The following EPB41L4B variants were observed in gnomAD, a reference collection of about 807,000 sequenced individuals.
EPB41L4B encodes erythrocyte membrane protein band 4.1 like 4B.
In EPB41L4B, 30 loss-of-function variants were observed where a neutral mutation model predicts 112.5. That is an observed-to-expected ratio of 0.27 (90% confidence interval 0.20 to 0.36). The LOEUF (loss-of-function observed/expected upper bound fraction) is 0.36, where lower values mean the gene tolerates loss of function less well. Ranked by LOEUF, EPB41L4B falls within the 10% of genes least tolerant of loss-of-function variation. The probability of loss-of-function intolerance (pLI) is 1.00; values close to 1 mark genes in which losing one functional copy is unlikely to be tolerated. For synonymous variants in EPB41L4B, 408 were observed against 439.7 expected (o/e 0.93, Z 0.90); for missense variants, 1,024 against 1,133.3 (o/e 0.90, Z 1.38).
At chr9:109,270,930 T>C (rs1470443105) in intron 2 of EPB41L4B, among the ~76,000 whole-genome samples, 2 of 152,218 alleles carry the variant, frequency 1.3e-5, no homozygotes, top group African/African-American at 4.8e-5. Context: ...AGCATCAGTT[T>C]TCATAAATGC....
At chr9:109,214,562 T>A (rs904212879) in intron 16 of EPB41L4B, among the ~76,000 whole-genome samples, 1 of 152,162 alleles carries the variant, frequency 6.6e-6, no homozygotes, top group African/African-American at 2.4e-5. Context: ...AACATTTCAC[T>A]GACAAGCGAA....
chr9:109,185,949 T>A (rs1002145953), intron 22 of EPB41L4B, among the ~76,000 whole-genome samples: 4 of 152,052 alleles, frequency 2.6e-5, no homozygotes, highest in African/African-American at 9.7e-5. Flanking sequence ...TAGTGGCTTC[T>A]TGGCACGCGG....
chr9:109,179,575 C>G (rs1000944932), intron 24 of EPB41L4B, among the ~76,000 whole-genome samples: 1 of 152,146 alleles, frequency 6.6e-6, no homozygotes, highest in Non-Finnish European at 1.5e-5. Context: ...ATTGTGTCCA[C>G]CTGGATGTTT....
chr9:109,302,679 A>G (rs1400336711), intron 1 of EPB41L4B, among the ~76,000 whole-genome samples: 1 of 152,010 alleles, frequency 6.6e-6, no homozygotes, highest in Non-Finnish European at 1.5e-5. Flanking sequence ...CGAAGATCCA[A>G]CGTTCTCCAC....
rs1832482783 is a variant in EPB41L4B, at chr9:109,192,193, A to G, written c.2301+85T>C. On this transcript the variant is annotated intron_variant, in intron 22 of 25. Transcript: ENST00000374566. Reference sequence around the variant, plus strand: ...AAGAGGAAGAGGCTCCTCAACAGCAATGCCCACCTCTGTCCATCCGTCCCA... The same window carrying G: ...AAGAGGAAGAGGCTCCTCAACAGCAGTGCCCACCTCTGTCCATCCGTCCCA... 3 of 1,081,122 alleles carry G rather than the reference A, an allele frequency of 2.8e-6. 1 individual carries two copies. In the South Asian group the frequency reaches 4.7e-5, roughly 17 times the overall value. The allele number at this position is 1,081,122 out of a possible 1,614,324, so 67.0% of individuals were successfully genotyped here.
intron 15 of EPB41L4B, among the ~76,000 whole-genome samples, chr9:109,239,292 G>A (rs114638787): frequency 6.4e-4 from 98 of 152,258 alleles, no homozygotes; most frequent in African/African-American, 2.3e-3. Context: ...CTTACTGTGG[G>A]TAAAAAAGGG....
At chr9:109,244,814 C>G (rs1834490368) in intron 14 of EPB41L4B, among the ~76,000 whole-genome samples, 1 of 152,224 alleles carries the variant, frequency 6.6e-6, no homozygotes, top group South Asian at 2.1e-4. Context: ...ATTTAAGTCA[C>G]TACAGTCTTG....
At chr9:109,185,221 C>T (rs545299631) in intron 23 of EPB41L4B, among the ~76,000 whole-genome samples, 1 of 152,362 alleles carries the variant, frequency 6.6e-6, no homozygotes, top group African/African-American at 2.4e-5. Context: ...CTGGGGAAAG[C>T]ATCTATGCTC....
In EPB41L4B at chr9:109,173,024, T is replaced by C. The variant is rs1831686438; in HGVS notation, c.*1530A>G. On this transcript the variant is annotated 3_prime_UTR_variant, in exon 26 of 26. Transcript: ENST00000374566. ...AATGAACATTTTACACACAAGGAAA[T>C]ACAACTAGTAAATCATCACATGGAA... 1 of 152,570 alleles carries C rather than the reference T, an allele frequency of 6.6e-6. No homozygotes were observed. Among genetic ancestry groups the C allele is most frequent in the Non-Finnish European group, 1.5e-5 (1 of 68,036 alleles). The allele number at this position is 152,570 out of a possible 1,614,324, so 9.5% of individuals were successfully genotyped here.
Position 109,174,362 on chromosome 9 carries a change from A to T in EPB41L4B, c.*192T>A, listed in dbSNP as rs1212081243. 1.4e-5 allele frequency: 8 copies of T among 567,980 alleles called. No individual in the cohort carries two copies. The highest frequency in any genetic ancestry group is 1.3e-5 in the Non-Finnish European group (4 of 315,410). 35.2% of individuals were successfully genotyped at this position (567,980 alleles called of 1,614,324 possible). A position where few individuals can be genotyped will look rare whatever the true frequency, so the allele number is the denominator to read the frequency against. On this transcript the variant is annotated 3_prime_UTR_variant, in exon 26 of 26. Coordinates refer to ENST00000374566, the MANE Select transcript of EPB41L4B (RefSeq NM_019114.5). ...CTCAACTACATAGAGTAATAGAAAAACTCTAATGCTTAGGAGACATAAAAT... is the reference window on the plus strand; with the variant it reads ...CTCAACTACATAGAGTAATAGAAAATCTCTAATGCTTAGGAGACATAAAAT...
chr9:109,260,773 C>A (rs1285900688), intron 6 of EPB41L4B, among the ~76,000 whole-genome samples: 1 of 152,112 alleles, frequency 6.6e-6, no homozygotes. Context: ...GATAATTTCT[C>A]CAAGAACGGT....
intron 1 of EPB41L4B, among the ~76,000 whole-genome samples, chr9:109,303,513 T>G (rs1323906181): frequency 6.6e-6 from 1 of 151,464 alleles, no homozygotes. Context: ...ACCTGGCTGG[T>G]TTTTTTTGTT....
In EPB41L4B at chr9:109,320,233, C is replaced by G. The variant is rs566894880; in HGVS notation, c.214G>C (p.Ala72Pro). 2.3e-6 allele frequency: 3 copies of G among 1,295,758 alleles called. No individual in the cohort carries two copies. Among genetic ancestry groups the G allele is most frequent in the Non-Finnish European group, 2.9e-6 (3 of 1,018,256 alleles). The allele number at this position is 1,295,758 out of a possible 1,614,324, so 80.3% of individuals were successfully genotyped here. A position where few individuals can be genotyped will look rare whatever the true frequency, so the allele number is the denominator to read the frequency against. ...GCGCCGGCGGCGGAGATGTGCACGG[C>G]CGCGCCGCCGGTGAGCAGGGGCCCG... ...GGGPLLTGGAAVHISAAGAAK... is the reference protein window; with the variant it reads ...GGGPLLTGGAPVHISAAGAAK... Residue 72 changes from alanine to proline, a missense_variant, in exon 1 of 26, where the codon GCC becomes CCC. By Grantham distance (27) the Ala-to-Pro change is conservative. Coordinates refer to ENST00000374566, the MANE Select transcript of EPB41L4B (RefSeq NM_019114.5).
At chr9:109,243,751 C>T (rs1018213701) in intron 14 of EPB41L4B, 69 bp from the exon 15 acceptor site, 47 of 1,505,242 alleles carry the variant, frequency 3.1e-5, no homozygotes, top group Non-Finnish European at 4.3e-5. Flanking sequence ...TTCGCTTTGT[C>T]TGTTCCTGGC....
At chr9:109,284,106 C>T (rs1215811353) in intron 1 of EPB41L4B, among the ~76,000 whole-genome samples, 1 of 151,958 alleles carries the variant, frequency 6.6e-6, no homozygotes, top group African/African-American at 2.4e-5. Flanking sequence ...AGAAAAAACG[C>T]ACTTAATACA....
intron 23 of EPB41L4B, among the ~76,000 whole-genome samples, chr9:109,184,569 A>G (rs1832186711): frequency 1.3e-5 from 2 of 152,254 alleles, no homozygotes; most frequent in Admixed American, 1.3e-4. Flanking sequence ...TAGCAATCTC[A>G]AAGAATTATT....
chr9:109,280,754 T>C (rs534758576), intron 1 of EPB41L4B, among the ~76,000 whole-genome samples: 1 of 151,744 alleles, frequency 6.6e-6, no homozygotes, highest in African/African-American at 2.4e-5. Flanking sequence ...GACATCATTC[T>C]CAATGGATCC....
rs527558431 is a variant in EPB41L4B, at chr9:109,210,758, C to T, written c.1753-2709G>A. 2.0e-5 allele frequency among the ~76,000 whole-genome samples: 3 copies of T among 152,108 alleles called. No individual in the cohort carries two copies. In the South Asian group the frequency reaches 6.2e-4, roughly 32 times the overall value. On this transcript the variant is annotated intron_variant, in intron 17 of 25. Transcript: ENST00000374566. Reference sequence around the variant, plus strand: ...CAGATAAGCATCTGGGTTCCAAGACCGTATCATTCCTTCCTGGAGGATGGC... The same window carrying T: ...CAGATAAGCATCTGGGTTCCAAGACTGTATCATTCCTTCCTGGAGGATGGC...
chr9:109,281,610 G>T (rs1447247884), intron 1 of EPB41L4B, among the ~76,000 whole-genome samples: 1 of 152,114 alleles, frequency 6.6e-6, no homozygotes, highest in Non-Finnish European at 1.5e-5. Flanking sequence ...GCTGAGGTCG[G>T]GGAGGTGGAA....
Sources: gnomAD v4.1 joint callset for allele counts (sites outside exome capture counted in the v4.1 genomes callset) on GRCh38, gnomAD v4.1.1 for gene constraint, MANE v1.5 for transcripts, NCBI Gene and HGNC (gene_info 2026-07-23, HGNC 2026-07-21) for gene names.